Variants in RIMS1 observed in about 807,000 individuals in gnomAD.
RIMS1 encodes regulating synaptic membrane exocytosis 1.
RIMS1 carries 83 observed loss-of-function variants against 214.1 expected under a neutral mutation model. The observed-to-expected ratio is 0.39, with a 90% confidence interval of 0.32 to 0.47. The LOEUF is 0.47. RIMS1 is among the 20% of genes least tolerant of loss of function. The pLI, the probability that RIMS1 is intolerant of heterozygous loss-of-function variation, is 0.99. For synonymous variants in RIMS1, 793 were observed against 786.8 expected (o/e 1.01, Z -0.13); for missense variants, 2,050 against 2,161.8 (o/e 0.95, Z 1.03).
At chr6:72,123,816 A>C (rs1217891027) in intron 4 of RIMS1, among the ~76,000 whole-genome samples, 1 of 150,836 alleles carries the variant, frequency 6.6e-6, no homozygotes, top group African/African-American at 2.4e-5. Flanking sequence ...TTTGTTTTCC[A>C]TTTGCTTGGT....
At chr6:71,978,991 T>C (rs941401113) in intron 2 of RIMS1, among the ~76,000 whole-genome samples, 1 of 152,142 alleles carries the variant, frequency 6.6e-6, no homozygotes, top group African/African-American at 2.4e-5. Flanking sequence ...TTTTATAGTC[T>C]TCATTCTTTT....
At chr6:72,392,852 G>C in intron 31 of RIMS1, 42 bp downstream of exon 31, 1 of 1,360,922 alleles carries the variant, frequency 7.3e-7, no homozygotes, top group Non-Finnish European at 1.0e-6. Context: ...TTGATGTTTT[G>C]TGTTTGACAA....
intron 29 of RIMS1, among the ~76,000 whole-genome samples, chr6:72,381,857 C>A (rs2098496173): frequency 6.6e-6 from 1 of 152,134 alleles, no homozygotes; most frequent in African/African-American, 2.4e-5. Flanking sequence ...CAGATGAATC[C>A]TTTTCTGAAG....
intron 29 of RIMS1, among the ~76,000 whole-genome samples, chr6:72,352,563 A>G (rs1391884857): frequency 6.6e-6 from 1 of 152,206 alleles, no homozygotes; most frequent in Admixed American, 6.5e-5. Context: ...CACATTTAGT[A>G]AAATTCTATT....
intron 4 of RIMS1, among the ~76,000 whole-genome samples, chr6:72,162,412 G>T (rs1305357892): frequency 7.1e-6 from 1 of 140,728 alleles, no homozygotes. Context: ...TGTTATGTAT[G>T]AATTTGATCC....
intron 1 of RIMS1, among the ~76,000 whole-genome samples, chr6:71,923,724 C>A (rs1309502141): frequency 3.3e-5 from 5 of 151,972 alleles, no homozygotes; most frequent in Non-Finnish European, 2.9e-5. Flanking sequence ...GCCACCATGC[C>A]CAGCTAATTT....
intron 29 of RIMS1, among the ~76,000 whole-genome samples, chr6:72,370,635 A>G (rs1300435400): frequency 6.6e-6 from 1 of 152,180 alleles, no homozygotes; most frequent in Non-Finnish European, 1.5e-5. Flanking sequence ...TTTTTAATCT[A>G]CAGTGCTTAT....
chr6:71,998,706 G>T (rs1049738729), intron 2 of RIMS1, among the ~76,000 whole-genome samples: 1 of 151,368 alleles, frequency 6.6e-6, no homozygotes, highest in African/African-American at 2.4e-5. Flanking sequence ...ATCTATTTTT[G>T]AATACTATAT....
At chr6:72,080,072 A>C (rs1418138867) in intron 2 of RIMS1, among the ~76,000 whole-genome samples, 1 of 84,998 alleles carries the variant, frequency 1.2e-5, no homozygotes, top group Non-Finnish European at 2.4e-5. Context: ...CCGTGTCTCT[A>C]CTAAAAAAAA....
intron 6 of RIMS1, among the ~76,000 whole-genome samples, chr6:72,185,504 G>A (rs1275627979): frequency 6.6e-6 from 1 of 152,168 alleles, no homozygotes; most frequent in Non-Finnish European, 1.5e-5. Flanking sequence ...GGGATTAACA[G>A]AAGATAACTT....
intron 19 of RIMS1, chr6:72,261,916 G>C (rs956054486): frequency 1.0e-6 from 1 of 984,714 alleles, no homozygotes; most frequent in South Asian, 4.7e-5. Context: ...ACCTACTGAA[G>C]GTCAAAGCAT....
At chr6:72,370,544 AT>A in intron 29 of RIMS1, among the ~76,000 whole-genome samples, 1 of 152,098 alleles carries the variant, frequency 6.6e-6, no homozygotes, top group Non-Finnish European at 1.5e-5. Flanking sequence ...ACTTAGGAAT[AT>A]TTTTTACTTC....
chr6:72,137,527 A>G (rs185234030), intron 4 of RIMS1, among the ~76,000 whole-genome samples: 4 of 151,080 alleles, frequency 2.6e-5, no homozygotes, highest in African/African-American at 9.7e-5. Flanking sequence ...ACCTTTGCTT[A>G]TTTTTCTATT....
intron 1 of RIMS1, among the ~76,000 whole-genome samples, chr6:71,908,425 G>A (rs948218127): frequency 6.6e-6 from 1 of 152,138 alleles, no homozygotes; most frequent in South Asian, 2.1e-4. Context: ...ATCTGCCTCA[G>A]GGATACTGGG....
intron 4 of RIMS1, among the ~76,000 whole-genome samples, chr6:72,163,109 ATCTTC>A (rs1179543046): frequency 2.9e-5 from 4 of 137,726 alleles, no homozygotes; most frequent in African/African-American, 7.5e-5. Flanking sequence ...TTTTTCTCTA[ATCTTC>A]TCTTCTCACT....
intron 4 of RIMS1, among the ~76,000 whole-genome samples, chr6:72,150,831 C>G (rs2043454008): frequency 1.3e-5 from 2 of 152,106 alleles, no homozygotes; most frequent in South Asian, 4.1e-4. Flanking sequence ...GACATCTGCT[C>G]TAAGGTGAAG....
At chr6:72,301,278 A>G (rs2094576265) in intron 26 of RIMS1, among the ~76,000 whole-genome samples, 1 of 151,714 alleles carries the variant, frequency 6.6e-6, no homozygotes, top group Non-Finnish European at 1.5e-5. Flanking sequence ...TGCCAGAACT[A>G]GGGCATTTCT....
chr6:71,985,685 AT>A (rs1053320449), intron 2 of RIMS1, among the ~76,000 whole-genome samples: 1 of 152,040 alleles, frequency 6.6e-6, no homozygotes, highest in Admixed American at 6.6e-5. Context: ...TTCTGTTTTT[AT>A]TTAGTTAGTT....
chr6:72,367,100 G>A (rs1011157771), intron 29 of RIMS1, among the ~76,000 whole-genome samples: 5 of 152,174 alleles, frequency 3.3e-5, no homozygotes, highest in Admixed American at 6.5e-5. Context: ...TGTTGCAACA[G>A]TAGATTTATT....
Sources: allele counts gnomAD v4.1 joint callset (sites outside exome capture counted in the v4.1 genomes callset), GRCh38; gene constraint gnomAD v4.1.1; transcripts MANE v1.5; gene names NCBI Gene and HGNC (gene_info 2026-07-23, HGNC 2026-07-21).